The following DHX35 variants were observed in gnomAD, a reference collection of about 807,000 sequenced individuals.
DHX35 encodes DEAH-box helicase 35, also known as probable ATP-dependent RNA helicase DHX35.
A neutral mutation model predicts 99.6 loss-of-function variants in DHX35; 84 were observed. The ratio of observed to expected loss-of-function variants is 0.84; its 90% CI spans 0.71 to 1.01. The LOEUF (loss-of-function observed/expected upper bound fraction) is 1.01. Among genes scored for constraint, DHX35 ranks in the 50% least tolerant of loss-of-function variants. DHX35 has a pLI of 0.00. For missense variants in DHX35, 852 were observed against 888.5 expected (o/e 0.96, Z 0.52); for synonymous variants, 331 against 316.2 (o/e 1.05, Z -0.50).
chr20:39,006,416 T>C (rs1374526279), intron 12 of DHX35, 60 bp downstream of exon 12: 3 of 1,569,780 alleles, frequency 1.9e-6, no homozygotes, highest in African/African-American at 1.4e-5. Context: ...GGCAACAGAG[T>C]GTAGCAAATG....
At chr20:39,015,884 C>T (rs922779711) in intron 14 of DHX35, among the ~76,000 whole-genome samples, 28 of 152,206 alleles carry the variant, frequency 1.8e-4, no homozygotes, top group Admixed American at 1.3e-4. Context: ...GGCAACCACT[C>T]TCTGGTTCAG....
chr20:39,015,420 G>A (rs1384360563), intron 14 of DHX35, among the ~76,000 whole-genome samples: 1 of 152,164 alleles, frequency 6.6e-6, no homozygotes, highest in Non-Finnish European at 1.5e-5. Context: ...GATTGAAGAT[G>A]TTATTAGGTT....
chr20:38,979,213 C>T (rs1279953232), intron 3 of DHX35, among the ~76,000 whole-genome samples: 1 of 151,780 alleles, frequency 6.6e-6, no homozygotes, highest in Non-Finnish European at 1.5e-5. Context: ...ATTTACCAAT[C>T]CCCAATTGAT....
In DHX35 at chr20:39,025,351, C is replaced by A. The variant is rs368673959; in HGVS notation, c.1793C>A (p.Ser598Tyr). 13 of 1,613,328 alleles carry A rather than the reference C, an allele frequency of 8.1e-6. No individual in the cohort carries two copies. The change falls in exon 18 of 22, where the codon TCT becomes TAT. Residue 598 changes from serine to tyrosine, a missense_variant. Ser to Tyr is a moderately radical substitution (Grantham distance 144). Transcript: ENST00000252011. ...GTCAAGTTTCAAGTGCCCAGGAAGTCTAGTGAAGGTGAGAAGAAACCGTCC... is the reference window on the plus strand; with the variant it reads ...GTCAAGTTTCAAGTGCCCAGGAAGTATAGTGAAGGTGAGAAGAAACCGTCC... ...LLVKFQVPRK[S>Y]SEGDPDLVLR... is the part of the protein sequence containing the mutation.
intron 12 of DHX35, among the ~76,000 whole-genome samples, chr20:39,007,950 T>C (rs950589720): frequency 3.9e-5 from 6 of 152,234 alleles, no homozygotes; most frequent in African/African-American, 1.4e-4. Flanking sequence ...GAACAATTTA[T>C]TATATTCACA....
chr20:38,979,265 G>T lies in DHX35; in HGVS notation c.268-4434G>T, dbSNP rs566091230. On this transcript the variant is annotated intron_variant, in intron 3 of 21. Transcript: ENST00000252011. ...TACAGTTTTGTATTATCACAATGATGCAGTGGAGTCAGTTTGCACATAAAT... is the reference window on the plus strand; with the variant it reads ...TACAGTTTTGTATTATCACAATGATTCAGTGGAGTCAGTTTGCACATAAAT... Among the ~76,000 whole-genome samples, 42 of 152,062 alleles carry T rather than the reference G, an allele frequency of 2.8e-4. 2 individuals are homozygous for T. The South Asian group carries it at 8.7e-3, about 32-fold the overall frequency.
In DHX35 at chr20:39,003,924, G is replaced by T; in HGVS notation, c.1011+17G>T. The T allele has an allele frequency of 6.2e-7, 1 of 1,611,474 alleles. No homozygotes were observed. Among genetic ancestry groups the T allele is most frequent in the South Asian group, 1.1e-5 (1 of 90,952 alleles). On this transcript the variant is annotated intron_variant, in intron 11 of 21. Transcript: ENST00000252011. ...GTCAGAAAGGTGAGACTATCCTGAT[G>T]ACCAAGGGTGTTGGCAGCCGTCTAT...
intron 3 of DHX35, among the ~76,000 whole-genome samples, chr20:38,973,328 T>G (rs1270779130): frequency 6.6e-6 from 1 of 152,206 alleles, no homozygotes; most frequent in East Asian, 1.9e-4. Context: ...AGGTATGACA[T>G]ATATGTAGGA....
Position 39,013,566 on chromosome 20 carries a change from G to GT in DHX35, c.1348-1306dup, listed in dbSNP as rs950731948. ...AAGATTTTTGTGGAGAGGGGGATAA[G>GT]TTTTTTTTGTTAATTGACTGGAAAT... On this transcript the variant is annotated intron_variant, in intron 13 of 21. Transcript: ENST00000252011. Among the ~76,000 whole-genome samples, 13 of 152,206 alleles carry GT rather than the reference G, an allele frequency of 8.5e-5. No individual in the cohort carries two copies. In the South Asian group the frequency reaches 1.5e-3, roughly 17 times the overall value.
chr20:39,004,193 G>T (rs2086573657), intron 11 of DHX35, among the ~76,000 whole-genome samples: 1 of 152,030 alleles, frequency 6.6e-6, no homozygotes, highest in Non-Finnish European at 1.5e-5. Flanking sequence ...CTCCTGAGTA[G>T]CTGGGACTAC....
chr20:39,007,961 A>G (rs2086644747), intron 12 of DHX35, among the ~76,000 whole-genome samples: 1 of 152,254 alleles, frequency 6.6e-6, no homozygotes, highest in Non-Finnish European at 1.5e-5. Context: ...TATATTCACA[A>G]TGTTGTGTGA....
intron 14 of DHX35, among the ~76,000 whole-genome samples, chr20:39,017,158 G>A (rs1361063304): frequency 6.6e-6 from 1 of 151,922 alleles, no homozygotes; most frequent in Non-Finnish European, 1.5e-5. Flanking sequence ...TTATAGTTTT[G>A]GCCCTTACAT....
rs75290867 is a variant in DHX35, at chr20:39,004,753, G to A, written c.1011+846G>A. Among the ~76,000 whole-genome samples the A allele has an allele frequency of 6.0e-4, 92 of 152,334 alleles. 1 individual carries two copies. Among genetic ancestry groups the A allele is most frequent in the African/African-American group, 2.1e-3 (89 of 41,588 alleles). On this transcript the variant is annotated intron_variant, in intron 11 of 21. Transcript: ENST00000252011. Reference sequence around the variant, plus strand: ...CTGCCTTTTCCTTTCATTAGATGAGGACTGCACAGAACCAGCCCGAGGACA... The same window carrying A: ...CTGCCTTTTCCTTTCATTAGATGAGAACTGCACAGAACCAGCCCGAGGACA...
intron 21 of DHX35, among the ~76,000 whole-genome samples, chr20:39,035,700 G>A (rs2087139835): frequency 6.6e-6 from 1 of 152,196 alleles, no homozygotes; most frequent in Non-Finnish European, 1.5e-5. Context: ...ATCGCCAGGT[G>A]CCGTAGTCCC....
chr20:39,023,788 A>C (rs778702284), intron 17 of DHX35, 21 bp downstream of exon 17: 1 of 1,604,586 alleles, frequency 6.2e-7, no homozygotes, highest in East Asian at 2.2e-5. Flanking sequence ...CTACTGCTCG[A>C]AGTGCCGCCT....
chr20:38,989,265 G>GTTTTTTTTTT (rs59991063), intron 5 of DHX35, among the ~76,000 whole-genome samples: 192 of 111,870 alleles, frequency 1.7e-3, no homozygotes, highest in African/African-American at 3.7e-3. Flanking sequence ...ACCCGGCTAA[G>GTTTTTTTTTT]TTTTTTTTTT....
intron 21 of DHX35, among the ~76,000 whole-genome samples, chr20:39,035,072 TTTTA>T (rs1184918846): frequency 2.0e-5 from 3 of 149,608 alleles, no homozygotes; most frequent in East Asian, 4.1e-4. Context: ...CGTTTTTTAT[TTTTA>T]TTTATTTATT....
rs753195392 is a variant in DHX35 at position 39,010,386 on chromosome 20, C to T, written c.1329C>T (p.Leu443=). 2.4e-5 allele frequency: 38 copies of T among 1,614,016 alleles called. No individual in the cohort carries two copies. Among genetic ancestry groups the T allele is most frequent in the Non-Finnish European group, 1.6e-5 (19 of 1,180,010 alleles). The change falls in exon 13 of 22, where the codon CTC becomes CTT. Residue 443 remains leucine (L), a synonymous_variant. Coordinates refer to ENST00000252011, the MANE Select transcript of DHX35 (RefSeq NM_021931.4). The part of the protein sequence containing the change: ...QLKALGIDNV[L]RFHFMSPPPA... ...AAGCACTAGGAATTGACAATGTCCT[C>T]AGGTTCCACTTCATGTCGGTAAGTC...
intron 14 of DHX35, among the ~76,000 whole-genome samples, chr20:39,016,162 G>A (rs955278149): frequency 6.6e-6 from 1 of 152,158 alleles, no homozygotes; most frequent in South Asian, 2.1e-4. Flanking sequence ...GAGAGTGGGC[G>A]GGTGCAGAGA....
Sources: gnomAD v4.1 joint callset for allele counts (sites outside exome capture counted in the v4.1 genomes callset) on GRCh38, gnomAD v4.1.1 for gene constraint, MANE v1.5 for transcripts, NCBI Gene and HGNC (gene_info 2026-07-23, HGNC 2026-07-21) for gene names.